The following CHRM3 variants were observed in gnomAD, a reference collection of about 807,000 sequenced individuals.
CHRM3 encodes cholinergic receptor muscarinic 3.
CHRM3 carries 11 observed loss-of-function variants against 41.8 expected under a neutral mutation model. The observed-to-expected ratio is 0.26, with a 90% CI of 0.17 to 0.44. The LOEUF is 0.44. Ranked by LOEUF, CHRM3 falls within the 20% of genes least tolerant of loss-of-function variation. The probability of loss-of-function intolerance (pLI) is 1.00; values close to 1 mark genes in which losing one functional copy is unlikely to be tolerated. For synonymous variants in CHRM3, 297 were observed against 301.4 expected, an observed-to-expected ratio of 0.99 and a Z score of 0.15; for missense variants, 571 against 745.4, an observed-to-expected ratio of 0.77 and a Z score of 2.72.
chr1:239,900,894 T>C (rs1679495441), intron 6 of CHRM3, among the ~76,000 whole-genome samples: 2 of 152,310 alleles, frequency 1.3e-5, no homozygotes, highest in South Asian at 4.1e-4. Flanking sequence ...TTTGTATAAC[T>C]TGCCTCGAAG....
At chr1:239,681,223 A>G (rs1186746161) in intron 5 of CHRM3, among the ~76,000 whole-genome samples, 2 of 152,144 alleles carry the variant, frequency 1.3e-5, no homozygotes, top group South Asian at 2.1e-4. Context: ...CCATATCACC[A>G]TTGTTTTAGC....
At chr1:239,568,003 C>A (rs1661506645) in intron 3 of CHRM3, among the ~76,000 whole-genome samples, 1 of 152,154 alleles carries the variant, frequency 6.6e-6, no homozygotes, top group South Asian at 2.1e-4. Context: ...TCTGGCTAGT[C>A]TCCTGGCAGC....
At chr1:239,462,687 TA>T (rs1032291141) in intron 1 of CHRM3, among the ~76,000 whole-genome samples, 4 of 152,258 alleles carry the variant, frequency 2.6e-5, no homozygotes, top group Admixed American at 2.6e-4. Context: ...GTCTTAGATT[TA>T]CTTTTTGTAC....
intron 6 of CHRM3, among the ~76,000 whole-genome samples, chr1:239,859,819 T>TTATATATATATATATATATATA (rs55700294): frequency 1.5e-5 from 2 of 131,424 alleles, no homozygotes; most frequent in Non-Finnish European, 3.2e-5. Context: ...TCTAAGTGTT[T>TTATATATATATATATATATATA]TATATATATA....
chr1:239,562,749 G>A (rs535676297), intron 3 of CHRM3, among the ~76,000 whole-genome samples: 13 of 152,116 alleles, frequency 8.5e-5, no homozygotes, highest in South Asian at 8.3e-4. Flanking sequence ...TTAGCTGGGC[G>A]TGGTGGCTGA....
rs189146647 is a variant in CHRM3 at position 239,909,204 on chromosome 1, G to A, written c.1753G>A (p.Ala585Thr). The A allele has an allele frequency of 2.1e-4, 337 of 1,609,380 alleles. No homozygotes were observed. Among genetic ancestry groups the A allele is most frequent in the Non-Finnish European group, 2.5e-4 (300 of 1,177,976 alleles). The change falls in exon 7 of 7, where the codon GCA (alanine) becomes ACA (threonine). Residue 585 changes from alanine to threonine, a missense_variant. Transcript: ENST00000676153. ...QRQSVIFHKR[A>T]PEQAL Reference sequence around the variant, plus strand: ...ACAGTCGGTCATTTTTCACAAGCGCGCACCCGAGCAGGCCTTGTAGAATGA... The same window carrying A: ...ACAGTCGGTCATTTTTCACAAGCGCACACCCGAGCAGGCCTTGTAGAATGA...
chr1:239,851,929 T>A (rs1674732437), intron 6 of CHRM3, among the ~76,000 whole-genome samples: 1 of 152,106 alleles, frequency 6.6e-6, no homozygotes, highest in South Asian at 2.1e-4. Context: ...TTATTAGAGG[T>A]GAAGACTCTC....
intron 6 of CHRM3, among the ~76,000 whole-genome samples, chr1:239,854,663 G>A (rs181613037): frequency 1.2e-4 from 19 of 152,102 alleles, no homozygotes; most frequent in African/African-American, 3.6e-4. Flanking sequence ...ATGAAACATG[G>A]GCTGTCTGTC....
chr1:239,865,462 G>T (rs1037819656), intron 6 of CHRM3, among the ~76,000 whole-genome samples: 1 of 152,172 alleles, frequency 6.6e-6, no homozygotes, highest in Non-Finnish European at 1.5e-5. Context: ...AGGAAAGGAG[G>T]AGGAAACAAA....
chr1:239,488,148 G>A (rs934285918), intron 1 of CHRM3, among the ~76,000 whole-genome samples: 2 of 152,210 alleles, frequency 1.3e-5, no homozygotes, highest in South Asian at 2.1e-4. Context: ...AAACTCATGG[G>A]TAGGCATTTG....
At chr1:239,529,593 CAGAG>C (rs1045436211) in intron 2 of CHRM3, among the ~76,000 whole-genome samples, 2 of 117,664 alleles carry the variant, frequency 1.7e-5, no homozygotes, top group African/African-American at 6.7e-5. Context: ...GCCTGGGTGA[CAGAG>C]AGACTCCGTC....
chr1:239,565,244 G>C (rs916178708), intron 3 of CHRM3, among the ~76,000 whole-genome samples: 1 of 152,046 alleles, frequency 6.6e-6, no homozygotes, highest in African/African-American at 2.4e-5. Context: ...TAGATTCTAG[G>C]GATTAGGATC....
intron 5 of CHRM3, among the ~76,000 whole-genome samples, chr1:239,771,065 G>C (rs1667621866): frequency 6.7e-6 from 1 of 150,286 alleles, no homozygotes; most frequent in South Asian, 2.1e-4. Context: ...TCCAGCCTGG[G>C]CAACACAGCC....
intron 2 of CHRM3, among the ~76,000 whole-genome samples, chr1:239,507,076 T>TG (rs1424910225): frequency 6.6e-6 from 1 of 152,138 alleles, no homozygotes; most frequent in Non-Finnish European, 1.5e-5. Flanking sequence ...AGAAGGGACT[T>TG]GCGTTGTTTT....
intron 4 of CHRM3, among the ~76,000 whole-genome samples, chr1:239,654,775 A>T (rs1672564609): frequency 6.6e-6 from 1 of 152,226 alleles, no homozygotes; most frequent in African/African-American, 2.4e-5. Context: ...TCCATGAATG[A>T]GTTGGAACAA....
At chr1:239,676,136 C>T (rs1657979562) in intron 4 of CHRM3, among the ~76,000 whole-genome samples, 1 of 152,178 alleles carries the variant, frequency 6.6e-6, no homozygotes, top group South Asian at 2.1e-4. Context: ...AACTTCTTGT[C>T]AGCATCAAAG....
At chr1:239,804,630 T>C (rs1254209144) in intron 5 of CHRM3, among the ~76,000 whole-genome samples, 2 of 152,302 alleles carry the variant, frequency 1.3e-5, no homozygotes, top group African/African-American at 2.4e-5. Context: ...TTGAACTCCA[T>C]AGAATCTTTC....
At chr1:239,621,177 A>G (rs1373130611) in intron 3 of CHRM3, among the ~76,000 whole-genome samples, 1 of 152,198 alleles carries the variant, frequency 6.6e-6, no homozygotes, top group Admixed American at 6.5e-5. Context: ...TTGAGATGCC[A>G]TAAACCACTC....
chr1:239,642,816 C>T (rs541920727), intron 4 of CHRM3, among the ~76,000 whole-genome samples: 74 of 152,338 alleles, frequency 4.9e-4, no homozygotes, highest in South Asian at 1.9e-3. Context: ...TGAGGAGCTG[C>T]GTTCCTTTGG....
Sources: gnomAD v4.1 joint callset for allele counts (sites outside exome capture counted in the v4.1 genomes callset) on GRCh38, gnomAD v4.1.1 for gene constraint, MANE v1.5 for transcripts, NCBI Gene and HGNC (gene_info 2026-07-23, HGNC 2026-07-21) for gene names.